Variants in MOB3B observed in about 807,000 individuals in gnomAD.
MOB3B encodes the protein MOB kinase activator-like 2B.
MOB3B carries 7 observed loss-of-function variants against 18.7 expected under a neutral mutation model. That is an observed-to-expected ratio of 0.37 (90% CI 0.21 to 0.70). The LOEUF is 0.70. MOB3B is among the 30% of genes least tolerant of loss of function. The pLI is 0.52. For synonymous variants in MOB3B, 111 were observed against 99.9 expected, an observed-to-expected ratio of 1.11 and a Z score of -0.66; for missense variants, 253 against 281.3, an observed-to-expected ratio of 0.90 and a Z score of 0.72.
At chr9:27,338,509 T>C (rs766830129) in intron 3 of MOB3B, among the ~76,000 whole-genome samples, 1 of 151,852 alleles carries the variant, frequency 6.6e-6, no homozygotes, top group Non-Finnish European at 1.5e-5. Flanking sequence ...GGAAGACCCA[T>C]GAAAAACATC....
At chr9:27,380,531 C>T in intron 2 of MOB3B, among the ~76,000 whole-genome samples, 1 of 152,126 alleles carries the variant, frequency 6.6e-6, no homozygotes, top group South Asian at 2.1e-4. Context: ...GCCACCACGC[C>T]CCGCCAAGAG....
intron 1 of MOB3B, among the ~76,000 whole-genome samples, chr9:27,496,599 A>C (rs1819904127): frequency 6.6e-6 from 1 of 152,118 alleles, no homozygotes; most frequent in South Asian, 2.1e-4. Flanking sequence ...GAATAATAGG[A>C]CTCCAATAAA....
chr9:27,432,060 T>C (rs1486899520), intron 2 of MOB3B, among the ~76,000 whole-genome samples: 1 of 152,178 alleles, frequency 6.6e-6, no homozygotes, highest in Admixed American at 6.5e-5. Context: ...GACGATCAAC[T>C]ACCATGTTCA....
At position 27,529,730 on chromosome 9, in the gene MOB3B, C is replaced by A; in HGVS notation, c.-374G>T. On this transcript the variant is annotated 5_prime_UTR_variant, in exon 1 of 4. Transcript: ENST00000262244. ...GCGAGCCAACCGGCGGACGGGCGAG[C>A]GCCTGGCTCCAGCTGCAGCCGCCGT... The A allele has an allele frequency of 1.0e-6, 1 of 985,432 alleles. No homozygotes were observed. Among genetic ancestry groups the A allele is most frequent in the South Asian group, 4.7e-5 (1 of 21,294 alleles). The allele number at this position is 985,432 out of a possible 1,614,324, so 61.0% of individuals were successfully genotyped here.
intron 3 of MOB3B, among the ~76,000 whole-genome samples, chr9:27,352,453 T>A (rs1276529080): frequency 6.6e-6 from 1 of 152,064 alleles, no homozygotes; most frequent in Non-Finnish European, 1.5e-5. Flanking sequence ...TATCTGGAAC[T>A]GAAGAAATGA....
At chr9:27,479,390 C>G (rs1819611642) in intron 1 of MOB3B, among the ~76,000 whole-genome samples, 1 of 152,180 alleles carries the variant, frequency 6.6e-6, no homozygotes, top group African/African-American at 2.4e-5. Context: ...AACTTCCCAC[C>G]TCTCAACACT....
chr9:27,517,430 C>T (rs2131504732), intron 1 of MOB3B, among the ~76,000 whole-genome samples: 1 of 151,970 alleles, frequency 6.6e-6, no homozygotes, highest in South Asian at 2.1e-4. Context: ...GGTAGATTAC[C>T]TGAGATCAGG....
intron 1 of MOB3B, among the ~76,000 whole-genome samples, chr9:27,481,651 A>G (rs947225925): frequency 6.6e-6 from 1 of 150,442 alleles, no homozygotes; most frequent in Non-Finnish European, 1.5e-5. Flanking sequence ...TCAGCCTCCC[A>G]AGTAGCTGGG....
At chr9:27,409,171 A>T (rs1169093579) in intron 2 of MOB3B, among the ~76,000 whole-genome samples, 1 of 152,192 alleles carries the variant, frequency 6.6e-6, no homozygotes, top group Non-Finnish European at 1.5e-5. Context: ...GATATTATTC[A>T]TGTCTTACTA....
At chr9:27,480,671 T>C (rs1262452047) in intron 1 of MOB3B, among the ~76,000 whole-genome samples, 3 of 152,048 alleles carry the variant, frequency 2.0e-5, no homozygotes, top group African/African-American at 7.2e-5. Flanking sequence ...GATCTCTTGA[T>C]CTGCCTGCCT....
intron 2 of MOB3B, among the ~76,000 whole-genome samples, chr9:27,446,100 A>C (rs1218243245): frequency 6.6e-6 from 1 of 152,204 alleles, no homozygotes; most frequent in Non-Finnish European, 1.5e-5. Context: ...GTTCAGTTAG[A>C]CACATCACTA....
chr9:27,465,990 T>C (rs1403978776), intron 1 of MOB3B, among the ~76,000 whole-genome samples: 1 of 152,194 alleles, frequency 6.6e-6, no homozygotes, highest in East Asian at 1.9e-4. Context: ...GGAGACATTT[T>C]CCCCATGGTC....
At chr9:27,392,874 T>C (rs1255589305) in intron 2 of MOB3B, among the ~76,000 whole-genome samples, 2 of 152,244 alleles carry the variant, frequency 1.3e-5, no homozygotes, top group African/African-American at 4.8e-5. Flanking sequence ...ATTAATCAAC[T>C]GACATACAGA....
chr9:27,361,642 T>C (rs11998896), intron 2 of MOB3B, among the ~76,000 whole-genome samples: 6,616 of 152,270 alleles, frequency 0.043, 416 homozygotes, highest in African/African-American at 0.14. Context: ...ATAGATTAGC[T>C]AACTGAGCCC....
intron 1 of MOB3B, among the ~76,000 whole-genome samples, chr9:27,517,945 GAAGAAAAGAGACCCCTCCCCACT>G (rs1820264319): frequency 6.6e-6 from 1 of 152,044 alleles, no homozygotes; most frequent in South Asian, 2.1e-4. Context: ...ATGTTGGCAG[GAAGAAAAGAGACCCCTCCCCACT>G]TAGTCCACCC....
In MOB3B at chr9:27,342,429, TCTCC is replaced by T. The variant is rs374539321; in HGVS notation, c.622-11817_622-11814del. On this transcript the variant is annotated intron_variant, in intron 3 of 3. Coordinates refer to ENST00000262244, the MANE Select transcript of MOB3B (RefSeq NM_024761.5). Reference sequence around the variant, plus strand: ...CTATAGTCCCTTAGAACTAAACCCCTCTCCCTCCCCCTCCCCCTCCGTCTCCCTT... The same window carrying T: ...CTATAGTCCCTTAGAACTAAACCCCTCTCCCCCTCCCCCTCCGTCTCCCTT... Among the ~76,000 whole-genome samples the T allele has an allele frequency of 3.6e-3, 550 of 151,278 alleles. 2 individuals are homozygous for T. The highest frequency in any genetic ancestry group is 0.012 in the African/African-American group (512 of 41,028).
chr9:27,415,507 CCCATTCA>C (rs150663296), intron 2 of MOB3B, among the ~76,000 whole-genome samples: 131 of 151,844 alleles, frequency 8.6e-4, no homozygotes, highest in African/African-American at 3.1e-3. Flanking sequence ...TCTGAGTCTT[CCCATTCA>C]TTATTCTTCT....
chr9:27,477,856 T>C (rs186022753), intron 1 of MOB3B, among the ~76,000 whole-genome samples: 317 of 152,312 alleles, frequency 2.1e-3, no homozygotes, highest in Middle Eastern at 6.8e-3. Context: ...GGATGCCCAT[T>C]TGAGAACAGG....
rs531444254 is a variant in MOB3B, at chr9:27,326,453, T to C, written c.*4134A>G. 1.3e-4 allele frequency: 50 copies of C among 398,596 alleles called. No individual in the cohort carries two copies. The South Asian group carries it at 5.7e-3, about 46-fold the overall frequency. The allele number at this position is 398,596 out of a possible 1,614,324, so 24.7% of individuals were successfully genotyped here. On this transcript the variant is annotated 3_prime_UTR_variant, in exon 4 of 4. Transcript: ENST00000262244. ...TAAAAGTGGGACACTAGAAAAGATA[T>C]ACTGAAACTCAAAAAGAATACTTCA...
Sources: gnomAD v4.1 joint callset for allele counts (sites outside exome capture counted in the v4.1 genomes callset) on GRCh38, gnomAD v4.1.1 for gene constraint, MANE v1.5 for transcripts, NCBI Gene and HGNC (gene_info 2026-07-23, HGNC 2026-07-21) for gene names.